Variants in XYLB observed in about 807,000 individuals in gnomAD.
XYLB encodes the protein xylulose kinase.
A neutral mutation model predicts 78.7 loss-of-function variants in XYLB; 62 were observed. That is an observed-to-expected ratio of 0.79 (90% CI 0.64 to 0.97). XYLB has a LOEUF of 0.97. XYLB is among the 50% of genes least tolerant of loss of function. The pLI, the probability that XYLB is intolerant of heterozygous loss-of-function variation, is 0.00. For synonymous variants in XYLB, 245 were observed against 247.4 expected, an observed-to-expected ratio of 0.99 and a Z score of 0.09; for missense variants, 687 against 676.8, an observed-to-expected ratio of 1.02 and a Z score of -0.17.
At chr3:38,418,359 T>G (rs1708870077), downstream of XYLB, among the ~76,000 whole-genome samples, 1 of 152,138 alleles carries the variant, frequency 6.6e-6, no homozygotes, top group Non-Finnish European at 1.5e-5. Context: ...GGCATTCGTA[T>G]ACATTTCTGG....
At chr3:38,428,376 A>G in the XYLB span, among the ~76,000 whole-genome samples, 1 of 152,178 alleles carries the variant, frequency 6.6e-6, no homozygotes, top group African/African-American at 2.4e-5. Context: ...GTCTTAACCA[A>G]TTTTCTATAT....
At chr3:38,377,607 C>G (rs1469838588) in intron 14 of XYLB, among the ~76,000 whole-genome samples, 2 of 151,966 alleles carry the variant, frequency 1.3e-5, no homozygotes, top group Non-Finnish European at 2.9e-5. Flanking sequence ...GCCACCACAC[C>G]TGGCTAATTT....
intron 18 of XYLB, among the ~76,000 whole-genome samples, chr3:38,405,737 G>C (rs1470481232): frequency 6.6e-6 from 1 of 152,220 alleles, no homozygotes; most frequent in Non-Finnish European, 1.5e-5. Flanking sequence ...ATTATATCCC[G>C]CACCTGGCTC....
At chr3:38,398,821 G>A (rs1289658550) in intron 17 of XYLB, among the ~76,000 whole-genome samples, 2 of 150,750 alleles carry the variant, frequency 1.3e-5, no homozygotes, top group South Asian at 2.1e-4. Flanking sequence ...TCAGGAGATC[G>A]AGATCATCCT....
intron 12 of XYLB, 59 bp downstream of exon 12, chr3:38,375,318 C>T (rs1706795931): frequency 2.7e-6 from 4 of 1,488,470 alleles, no homozygotes; most frequent in Non-Finnish European, 3.7e-6. Context: ...GCAGGTCTGG[C>T]ACCATCTTGA....
intron 14 of XYLB, 25 bp from the exon 15 acceptor site, chr3:38,379,221 T>C (rs1433388871): frequency 6.2e-7 from 1 of 1,612,204 alleles, no homozygotes; most frequent in South Asian, 1.1e-5. Context: ...TTCCTTACTC[T>C]GTGCCCACCT....
At chr3:38,389,785 C>T (rs1316493100) in intron 15 of XYLB, among the ~76,000 whole-genome samples, 1 of 152,174 alleles carries the variant, frequency 6.6e-6, no homozygotes, top group African/African-American at 2.4e-5. Context: ...CCAGCTCTTC[C>T]CCCACTTCCA....
At chr3:38,382,391 T>G (rs774457805) in intron 15 of XYLB, among the ~76,000 whole-genome samples, 2 of 152,228 alleles carry the variant, frequency 1.3e-5, no homozygotes, top group Non-Finnish European at 2.9e-5. Flanking sequence ...AGAAGGGGCC[T>G]GTGGGGTGCT....
intron 15 of XYLB, among the ~76,000 whole-genome samples, chr3:38,391,235 AAC>A (rs1005213284): frequency 5.8e-5 from 6 of 103,394 alleles, no homozygotes; most frequent in African/African-American, 2.7e-4. Flanking sequence ...CAACAACAAC[AAC>A]AAAAAAAAAG....
chr3:38,364,601 A>G (rs1490404771), intron 4 of XYLB, among the ~76,000 whole-genome samples: 1 of 140,126 alleles, frequency 7.1e-6, no homozygotes, highest in Admixed American at 7.8e-5. Context: ...TCACCTGCAG[A>G]TTCTCTGCAT....
chr3:38,378,498 C>T (rs1029641532), intron 14 of XYLB, among the ~76,000 whole-genome samples: 17 of 152,030 alleles, frequency 1.1e-4, no homozygotes, highest in Admixed American at 2.6e-4. Flanking sequence ...AGCTGGTGGG[C>T]GGGTTGGAGA....
At position 38,376,252 on chromosome 3, in the gene XYLB, C is replaced by T. The variant is rs770257419; in HGVS notation, c.1120+20C>T. 1.3e-6 allele frequency: 2 copies of T among 1,565,212 alleles called. No homozygotes were observed. Among genetic ancestry groups the T allele is most frequent in the South Asian group, 2.2e-5 (2 of 90,068 alleles). On this transcript the variant is annotated intron_variant, in intron 13 of 18. Coordinates refer to ENST00000207870, the MANE Select transcript of XYLB (RefSeq NM_005108.4). ...ACCTGGGTAGGCCAGTTGGTGGTGC[C>T]CAGGCCTGTGAAGGGTCAGCAGCTG... is the stretch of plus-strand genomic sequence containing the variant.
At chr3:38,430,969 A>G in the XYLB span, among the ~76,000 whole-genome samples, 2 of 152,162 alleles carry the variant, frequency 1.3e-5, no homozygotes, top group South Asian at 4.1e-4. Context: ...CTTGTAGTAT[A>G]GTTTGAAGTC....
In XYLB at chr3:38,374,480, G is replaced by A. The variant is rs912894043; in HGVS notation, c.866G>A (p.Arg289Lys). Residue 289 changes from arginine to lysine, a missense_variant, in exon 11 of 19, where the codon AGA becomes AAA. Physicochemically the swap from Arg to Lys is conservative, Grantham distance 26. Transcript: ENST00000207870. ...TTCTCAGCGTCGCTGGCAGGCATGA[G>A]ACTGGAGGAAGGTGACATTGCGGTA... ...GDNPASLAGM[R>K]LEEGDIAVSL... is the part of the protein sequence containing the mutation. 1 of 1,614,062 alleles carries A rather than the reference G, an allele frequency of 6.2e-7. No homozygotes were observed. The highest frequency in any genetic ancestry group is 8.5e-7 in the Non-Finnish European group (1 of 1,179,982).
Position 38,385,461 on chromosome 3 carries a change from T to G in XYLB, c.1291+6119T>G, listed in dbSNP as rs575465210. Among the ~76,000 whole-genome samples the G allele has an allele frequency of 2.6e-5, 4 of 152,350 alleles. No individual in the cohort carries two copies. The South Asian group carries it at 8.3e-4, about 32-fold the overall frequency. ...TTTATCTTTTTAAATGCTTTCCTTC[T>G]ACTTTATGAATTTTTTCTTTTTCTG... On this transcript the variant is annotated intron_variant, in intron 15 of 18. Coordinates refer to ENST00000207870, the MANE Select transcript of XYLB (RefSeq NM_005108.4).
At chr3:38,448,107 C>G in the XYLB span, among the ~76,000 whole-genome samples, 4 of 151,904 alleles carry the variant, frequency 2.6e-5, no homozygotes, top group African/African-American at 9.7e-5. Context: ...GTGGATGGAT[C>G]TGGATATATC....
chr3:38,352,352 A>G (rs556156443), intron 2 of XYLB, among the ~76,000 whole-genome samples: 84 of 152,208 alleles, frequency 5.5e-4, no homozygotes, highest in Admixed American at 9.2e-4. Context: ...CTACACATCT[A>G]TAAAAAAGAA....
chr3:38,445,446 C>T, the XYLB span, among the ~76,000 whole-genome samples: 1 of 152,136 alleles, frequency 6.6e-6, no homozygotes, highest in South Asian at 2.1e-4. Flanking sequence ...ACAGGGAGTG[C>T]TTTCTAAAAG....
intron 9 of XYLB, among the ~76,000 whole-genome samples, chr3:38,371,888 A>T (rs1575483307): frequency 6.6e-6 from 1 of 152,328 alleles, no homozygotes; most frequent in East Asian, 1.9e-4. Context: ...AGGCAGAGAA[A>T]GGGCAGACAG....
Sources: gnomAD v4.1 joint callset for allele counts (sites outside exome capture counted in the v4.1 genomes callset) on GRCh38, gnomAD v4.1.1 for gene constraint, MANE v1.5 for transcripts, NCBI Gene and HGNC (gene_info 2026-07-23, HGNC 2026-07-21) for gene names.